The following IL3RA variants were observed in gnomAD, a reference collection of about 807,000 sequenced individuals.
IL3RA encodes interleukin 3 receptor subunit alpha, also known as interleukin-3 receptor subunit alpha.
IL3RA carries 73 observed loss-of-function variants against 52.3 expected under a neutral mutation model. That is an observed-to-expected ratio of 1.40 (90% CI 1.16 to 1.70). The LOEUF (loss-of-function observed/expected upper bound fraction) is 1.70, where lower values mean the gene tolerates loss of function less well. Among genes scored for constraint, IL3RA ranks in the 40% most tolerant of loss-of-function variants. The pLI is 0.00. For missense variants in IL3RA, 664 were observed against 504.4 expected, an observed-to-expected ratio of 1.32 and a Z score of -3.03; for synonymous variants, 260 against 194.0, an observed-to-expected ratio of 1.34 and a Z score of -2.83.
In IL3RA at chrX:1,352,189, G is replaced by A; in HGVS notation, c.388G>A (p.Ala130Thr). The A allele has an allele frequency of 6.2e-7, 1 of 1,613,750 alleles. No individual in the cohort carries two copies. Among genetic ancestry groups the A allele is most frequent in the Non-Finnish European group, 8.5e-7 (1 of 1,179,824 alleles). Residue 130 changes from alanine to threonine, a missense_variant, in exon 5 of 12, where the codon GCC (alanine) becomes ACC (threonine). Ala to Thr is a moderately conservative substitution (Grantham distance 58, BLOSUM62 0). Transcript: ENST00000331035. ...CTGCAGCTGGGCGGTAGGCCCGGGG[G>A]CCCCCGCGGACGTCCAGTACGACCT... ...LSCSWAVGPG[A>T]PADVQYDLYL...
intron 10 of IL3RA, among the ~76,000 whole-genome samples, chrX:1,380,567 AGGGGGAGGGTGGG>A (rs2149227542): frequency 5.9e-5 from 1 of 17,062 alleles, no homozygotes; most frequent in East Asian, 2.5e-3. Flanking sequence ...AGGAGAGGCG[AGGGGGAGGGTGGG>A]GGAGGGGGAA....
chrX:1,357,384 G>A (rs765146881), intron 7 of IL3RA, among the ~76,000 whole-genome samples: 63 of 151,216 alleles, frequency 4.2e-4, no homozygotes, highest in African/African-American at 1.5e-3. Context: ...TTTTTGAGAC[G>A]GAGTCCTGCT....
chrX:1,382,251 A>T, intron 11 of IL3RA, 140 bp from the exon 12 acceptor site: 1 of 804,024 alleles, frequency 1.2e-6, no homozygotes, highest in Non-Finnish European at 2.1e-6. Context: ...GCCTGGCCCA[A>T]AGTGCTGGGA....
At chrX:1,348,662 C>CTTTCTTTCTTTCTT (rs2085905737) in intron 4 of IL3RA, 117 bp downstream of exon 4, 1 of 444,464 alleles carries the variant, frequency 2.2e-6, no homozygotes, top group Non-Finnish European at 3.9e-6. Flanking sequence ...TTCTTTCTTT[C>CTTTCTTTCTTTCTT]TTTCTTTCTT....
In IL3RA at chrX:1,352,229, C is replaced by T; in HGVS notation, c.428C>T (p.Ala143Val). 1.2e-6 allele frequency: 2 copies of T among 1,613,510 alleles called. No individual in the cohort carries two copies. Among genetic ancestry groups the T allele is most frequent in the Non-Finnish European group, 8.5e-7 (1 of 1,179,686 alleles). Residue 143 changes from alanine to valine, a missense_variant, in exon 5 of 12, where the codon GCC becomes GTC. Transcript: ENST00000331035. ...CAGTACGACCTGTACTTGAACGTTG[C>T]CAAGTAGGTGTGCCCGTGGGCAGAG... Reference protein sequence around the residue: ...DVQYDLYLNVANRRQQYECLH... With the variant: ...DVQYDLYLNVVNRRQQYECLH...
intron 4 of IL3RA, 111 bp downstream of exon 4, chrX:1,348,656 TTCTTTCTTTC>T (rs1448917709): frequency 7.2e-6 from 3 of 414,390 alleles, no homozygotes; most frequent in East Asian, 7.6e-5. Context: ...CTTTCTTTCT[TTCTTTCTTTC>T]TTTCTTTCTT....
chrX:1,376,890 C>A (rs2088784284), intron 9 of IL3RA, among the ~76,000 whole-genome samples: 1 of 93,424 alleles, frequency 1.1e-5, no homozygotes, highest in African/African-American at 4.7e-5. Flanking sequence ...GACGGCGTCT[C>A]CAAGCCCAGG....
intron 9 of IL3RA, among the ~76,000 whole-genome samples, chrX:1,367,891 C>T (rs1449476022): frequency 2.0e-5 from 3 of 151,066 alleles, no homozygotes; most frequent in Non-Finnish European, 2.9e-5. Flanking sequence ...TTCACTCCCC[C>T]AGTTTCTGTG....
rs1343265328 is a variant in IL3RA, at chrX:1,353,804, G to GA, written c.616+1299dup. Among the ~76,000 whole-genome samples, 21 of 68,282 alleles carry GA rather than the reference G, an allele frequency of 3.1e-4. 1 individual carries two copies. Among genetic ancestry groups the GA allele is most frequent in the Non-Finnish European group, 4.4e-4 (15 of 34,044 alleles). 44.8% of individuals were successfully genotyped at this position (68,282 alleles called of 152,430 possible). ...TCATGGGTTCCATCATGGGTCATGG[G>GA]ACCCCCCCCATCACGGGTTCCATCA... On this transcript the variant is annotated intron_variant, in intron 6 of 11. Transcript: ENST00000331035.
chrX:1,344,276 A>C (rs1409652396), intron 2 of IL3RA, among the ~76,000 whole-genome samples: 1 of 151,644 alleles, frequency 6.6e-6, no homozygotes, highest in African/African-American at 2.4e-5. Context: ...TCTAGTAAAA[A>C]TACAAAAATT....
At chrX:1,347,917 G>C (rs17883963) in intron 3 of IL3RA, among the ~76,000 whole-genome samples, 30,990 of 148,534 alleles carry the variant, frequency 0.21, 3,734 homozygotes, top group East Asian at 0.32. Context: ...GGCGCCTGTA[G>C]TCCCAGCTAC....
intron 8 of IL3RA, among the ~76,000 whole-genome samples, chrX:1,359,808 TTCTC>T (rs373695054): frequency 1.7e-4 from 22 of 130,612 alleles, no homozygotes; most frequent in South Asian, 1.7e-3. Flanking sequence ...CTCCCTCTCT[TTCTC>T]TCTCTCTCTC....
chrX:1,347,173 G>A (rs2085778336), intron 3 of IL3RA, among the ~76,000 whole-genome samples: 3 of 151,470 alleles, frequency 2.0e-5, no homozygotes, highest in Non-Finnish European at 4.4e-5. Flanking sequence ...TAGGCCGGGC[G>A]TGGTGGCTCA....
At chrX:1,340,814 T>C (rs2085459855) in intron 1 of IL3RA, among the ~76,000 whole-genome samples, 1 of 151,368 alleles carries the variant, frequency 6.6e-6, no homozygotes. Flanking sequence ...GTCAAATCTC[T>C]ACTAAAAAAT....
At position 1,352,784 on chromosome X, in the gene IL3RA, C is replaced by T. The variant is rs1374358610; in HGVS notation, c.616+278C>T. Among the ~76,000 whole-genome samples, 5 of 152,208 alleles carry T rather than the reference C, an allele frequency of 3.3e-5. No homozygotes were observed. The South Asian group carries it at 1.0e-3, about 31-fold the overall frequency. On this transcript the variant is annotated intron_variant, in intron 6 of 11. Coordinates refer to ENST00000331035, the MANE Select transcript of IL3RA (RefSeq NM_002183.4). ...GTCTCTTGTTAGAAGGGCACTAACA[C>T]CATCATGGGTCCCATCATGGGTCAT...
At chrX:1,355,882 G>A (rs746699263) in intron 6 of IL3RA, among the ~76,000 whole-genome samples, 13 of 152,036 alleles carry the variant, frequency 8.6e-5, no homozygotes, top group Admixed American at 2.6e-4. Context: ...AGAGATGGAA[G>A]GGGCAGGGAC....
chrX:1,368,007 G>A (rs1429496139), intron 9 of IL3RA, among the ~76,000 whole-genome samples: 2 of 152,048 alleles, frequency 1.3e-5, no homozygotes, highest in African/African-American at 4.8e-5. Flanking sequence ...GACACCCCCT[G>A]GGCCTTGTAA....
chrX:1,373,427 C>CT (rs2088584770), intron 9 of IL3RA, among the ~76,000 whole-genome samples: 1 of 14,368 alleles, frequency 7.0e-5, no homozygotes, highest in Non-Finnish European at 1.1e-4. Context: ...GGAACCAGCC[C>CT]TGCCCACACC....
intron 3 of IL3RA, among the ~76,000 whole-genome samples, chrX:1,345,931 CT>C (rs1249309252): frequency 3.9e-5 from 6 of 152,026 alleles, no homozygotes; most frequent in Non-Finnish European, 8.8e-5. Flanking sequence ...TTTGGAGGGT[CT>C]GGTTCCCCGT....
Sources: gnomAD v4.1 joint callset for allele counts (sites outside exome capture counted in the v4.1 genomes callset) on GRCh38, gnomAD v4.1.1 for gene constraint, MANE v1.5 for transcripts, NCBI Gene and HGNC (gene_info 2026-07-23, HGNC 2026-07-21) for gene names.